The following TMEM135 variants were observed in gnomAD, a reference collection of about 807,000 sequenced individuals.
The protein encoded by TMEM135 is peroxisomal membrane protein 52.
Under a neutral mutation model 60.3 loss-of-function variants are expected in TMEM135, and 30 were observed. That is an observed-to-expected ratio of 0.50 (90% confidence interval 0.37 to 0.68). The LOEUF (loss-of-function observed/expected upper bound fraction) is 0.68. Among genes scored for constraint, TMEM135 ranks in the 30% least tolerant of loss-of-function variants. The pLI, the probability that TMEM135 is intolerant of heterozygous loss-of-function variation, is 0.00. For missense variants in TMEM135, 468 were observed against 548.8 expected (o/e 0.85, Z 1.47); for synonymous variants, 190 against 186.7 (o/e 1.02, Z -0.14).
chr11:87,149,621 G>A (rs476832), intron 4 of TMEM135, among the ~76,000 whole-genome samples: 81,342 of 151,908 alleles, frequency 0.54, 22,798 homozygotes, highest in East Asian at 0.73. Flanking sequence ...ACCTTACTGA[G>A]CACTGACTTC....
At chr11:87,314,329 G>A (rs1333793618) in intron 11 of TMEM135, 142 bp from the exon 12 acceptor site, 1 of 673,652 alleles carries the variant, frequency 1.5e-6, no homozygotes, top group East Asian at 2.9e-5. Flanking sequence ...CCATTTTAAT[G>A]TCATCTGGTT....
intron 4 of TMEM135, among the ~76,000 whole-genome samples, chr11:87,102,925 T>C (rs781379804): frequency 5.9e-4 from 89 of 152,028 alleles, no homozygotes; most frequent in Non-Finnish European, 1.1e-3. Flanking sequence ...CTGAAACTTA[T>C]CATCACAACC....
intron 5 of TMEM135, among the ~76,000 whole-genome samples, chr11:87,220,790 G>C (rs1039609423): frequency 1.3e-5 from 2 of 152,142 alleles, no homozygotes; most frequent in African/African-American, 4.8e-5. Context: ...TAACTTATAT[G>C]AGTGATTAAA....
At chr11:87,144,999 C>T (rs1281133471) in intron 4 of TMEM135, among the ~76,000 whole-genome samples, 2 of 152,034 alleles carry the variant, frequency 1.3e-5, no homozygotes, top group Non-Finnish European at 2.9e-5. Context: ...TGGAAATGTG[C>T]TGTACTCTAT....
Position 87,327,610 on chromosome 11 carries a change from G to A in TMEM135, c.*6277G>A, listed in dbSNP as rs1044441482. On this transcript the variant is annotated 3_prime_UTR_variant, in exon 15 of 15. Transcript: ENST00000305494. ...TAAGGGAGTTGGCTCATGTGATTGT[G>A]GAGGCTGAGAAACCCCACCACAGGC... is the stretch of plus-strand genomic sequence containing the variant. The A allele has an allele frequency of 2.2e-6, 1 of 453,162 alleles. No individual in the cohort carries two copies. Among genetic ancestry groups the A allele is most frequent in the African/African-American group, 2.0e-5 (1 of 49,888 alleles). The allele number at this position is 453,162 out of a possible 1,614,324, so 28.1% of individuals were successfully genotyped here. A position where few individuals can be genotyped will look rare whatever the true frequency, so the allele number is the denominator to read the frequency against.
At chr11:87,198,573 C>T (rs1189619681) in intron 5 of TMEM135, among the ~76,000 whole-genome samples, 4 of 147,036 alleles carry the variant, frequency 2.7e-5, no homozygotes, top group South Asian at 4.5e-4. Flanking sequence ...CTCCCCTCTC[C>T]GCTCCCCTCT....
chr11:87,319,637 T>G (rs1205836491), intron 14 of TMEM135, among the ~76,000 whole-genome samples: 1 of 152,172 alleles, frequency 6.6e-6, no homozygotes, highest in South Asian at 2.1e-4. Context: ...TACTTAAGTC[T>G]GACTGTTTGA....
intron 4 of TMEM135, among the ~76,000 whole-genome samples, chr11:87,125,657 A>G (rs1467221487): frequency 6.6e-6 from 1 of 152,232 alleles, no homozygotes; most frequent in Non-Finnish European, 1.5e-5. Context: ...TAAGTGTAAT[A>G]GAAAACCATT....
intron 4 of TMEM135, among the ~76,000 whole-genome samples, chr11:87,094,141 C>T (rs1857270656): frequency 6.6e-6 from 1 of 151,996 alleles, no homozygotes; most frequent in South Asian, 2.1e-4. Context: ...AAATAATAGA[C>T]TCTGGGTTTT....
intron 12 of TMEM135, 87 bp downstream of exon 12, chr11:87,314,634 TG>T (rs1221145825): frequency 1.9e-6 from 2 of 1,050,028 alleles, no homozygotes; most frequent in Non-Finnish European, 2.9e-6. Context: ...TATATCCCAA[TG>T]GCAAACATAA....
At chr11:87,257,598 AGTT>A (rs1941554388) in intron 6 of TMEM135, among the ~76,000 whole-genome samples, 1 of 152,142 alleles carries the variant, frequency 6.6e-6, no homozygotes, top group Non-Finnish European at 1.5e-5. Context: ...AATAAATGTT[AGTT>A]GTTTTTATTA....
chr11:87,111,884 C>G (rs1190806192), intron 4 of TMEM135, among the ~76,000 whole-genome samples: 1 of 152,008 alleles, frequency 6.6e-6, no homozygotes, highest in South Asian at 2.1e-4. Context: ...GGATATATGA[C>G]TTCTCTAAAC....
At chr11:87,218,311 GC>G (rs1395049911) in intron 5 of TMEM135, among the ~76,000 whole-genome samples, 2 of 152,090 alleles carry the variant, frequency 1.3e-5, no homozygotes, top group Non-Finnish European at 1.5e-5. Flanking sequence ...AAGTTATTAG[GC>G]CAGATAATAC....
chr11:87,158,032 A>C (rs1938749522), intron 5 of TMEM135: 1 of 152,750 alleles, frequency 6.5e-6, no homozygotes, highest in Non-Finnish European at 1.5e-5. Flanking sequence ...GTCGAATGTA[A>C]CACCAAATTG....
chr11:87,081,333 AT>A (rs371071857), intron 3 of TMEM135, among the ~76,000 whole-genome samples: 16 of 146,184 alleles, frequency 1.1e-4, no homozygotes, highest in South Asian at 4.3e-4. Flanking sequence ...TTCCACTGTA[AT>A]TTTTTTTTTC....
chr11:87,147,012 AG>A (rs1209508886), intron 4 of TMEM135, among the ~76,000 whole-genome samples: 2 of 152,174 alleles, frequency 1.3e-5, no homozygotes, highest in Non-Finnish European at 2.9e-5. Flanking sequence ...ACGTGATTAA[AG>A]GTATTGTAAG....
intron 1 of TMEM135, among the ~76,000 whole-genome samples, chr11:87,043,419 C>G (rs1949767717): frequency 6.6e-6 from 1 of 152,020 alleles, no homozygotes; most frequent in African/African-American, 2.4e-5. Context: ...TGCACACATA[C>G]ATATGAAACA....
intron 2 of TMEM135, among the ~76,000 whole-genome samples, chr11:87,071,211 G>A (rs1258129750): frequency 6.6e-6 from 1 of 152,162 alleles, no homozygotes; most frequent in Non-Finnish European, 1.5e-5. Context: ...GAATTTGAAA[G>A]ATAAATTGCA....
intron 1 of TMEM135, among the ~76,000 whole-genome samples, chr11:87,049,499 A>C (rs1565420493): frequency 8.1e-6 from 1 of 123,978 alleles, no homozygotes; most frequent in Admixed American, 8.1e-5. Context: ...AAACAAAAAA[A>C]GGCAGGGGTT....
Sources: allele counts gnomAD v4.1 joint callset (sites outside exome capture counted in the v4.1 genomes callset), GRCh38; gene constraint gnomAD v4.1.1; transcripts MANE v1.5; gene names NCBI Gene and HGNC (gene_info 2026-07-23, HGNC 2026-07-21).